Variants in SLC22A23 observed in about 807,000 individuals in gnomAD.
SLC22A23 encodes solute carrier family 22 member 23.
In SLC22A23, 26 loss-of-function variants were observed where a neutral mutation model predicts 61.0. The observed-to-expected ratio is 0.43, with a 90% CI of 0.31 to 0.59. SLC22A23 has a LOEUF of 0.59. SLC22A23 is among the 20% of genes least tolerant of loss of function. SLC22A23 has a pLI of 0.11. For missense variants in SLC22A23, 796 were observed against 934.7 expected (o/e 0.85, Z 1.94); for synonymous variants, 430 against 413.9 (o/e 1.04, Z -0.47).
chr6:3,452,020 C>A (rs1772175369), intron 1 of SLC22A23, among the ~76,000 whole-genome samples: 1 of 152,102 alleles, frequency 6.6e-6, no homozygotes, highest in Non-Finnish European at 1.5e-5. Flanking sequence ...ACGAGATATT[C>A]AACACATTAT....
intron 3 of SLC22A23, among the ~76,000 whole-genome samples, chr6:3,340,447 A>G (rs547107777): frequency 6.6e-5 from 10 of 152,302 alleles, no homozygotes; most frequent in Admixed American, 2.6e-4. Flanking sequence ...AGCAGAGTCT[A>G]TGACAAATTG....
At chr6:3,370,795 A>G (rs972889425) in intron 3 of SLC22A23, among the ~76,000 whole-genome samples, 3 of 152,258 alleles carry the variant, frequency 2.0e-5, no homozygotes, top group Admixed American at 6.5e-5. Flanking sequence ...AAGCCAGGAC[A>G]TCACGACTCA....
intron 1 of SLC22A23, among the ~76,000 whole-genome samples, chr6:3,433,513 C>T (rs1771004805): frequency 6.6e-6 from 1 of 152,194 alleles, no homozygotes; most frequent in Non-Finnish European, 1.5e-5. Context: ...TAAGTCAAGA[C>T]TTTTCAATGG....
In SLC22A23 at chr6:3,333,013, G is replaced by A. The variant is rs992752381; in HGVS notation, c.914-9011C>T. ...GTTCAGGTTTTTGGAAGAGCGTATC[G>A]CAGCTGGTGCCTGTGCGTCACGGTG... On this transcript the variant is annotated intron_variant, in intron 3 of 9. Transcript: ENST00000406686. This position sits in a 1 kb window ranked among gnomAD's most constrained non-coding sequence, Gnocchi z 4.1. Among the ~76,000 whole-genome samples the A allele has an allele frequency of 1.4e-4, 21 of 152,260 alleles. No homozygotes were observed. Among genetic ancestry groups the A allele is most frequent in the African/African-American group, 4.8e-4 (20 of 41,540 alleles).
At chr6:3,439,034 T>C (rs1451914586) in intron 1 of SLC22A23, among the ~76,000 whole-genome samples, 1 of 152,206 alleles carries the variant, frequency 6.6e-6, no homozygotes, top group Non-Finnish European at 1.5e-5. Context: ...TTTATTAGTC[T>C]AGACCGGGGT....
intron 1 of SLC22A23, among the ~76,000 whole-genome samples, chr6:3,416,634 G>A (rs1171439629): frequency 6.6e-6 from 1 of 152,242 alleles, no homozygotes; most frequent in Non-Finnish European, 1.5e-5. Context: ...GTGTCCAAGT[G>A]TGGACTCAAA....
intron 6 of SLC22A23, among the ~76,000 whole-genome samples, chr6:3,288,085 TCTGC>T (rs1760217668): frequency 6.6e-6 from 1 of 152,170 alleles, no homozygotes; most frequent in African/African-American, 2.4e-5. Context: ...GAAAAACGTG[TCTGC>T]CCTGAAAACA....
intron 3 of SLC22A23, among the ~76,000 whole-genome samples, chr6:3,399,811 A>AT (rs1256242391): frequency 2.0e-5 from 3 of 151,998 alleles, no homozygotes; most frequent in Non-Finnish European, 2.9e-5. Flanking sequence ...GTCCAGGAGA[A>AT]TTTTTTCTTG....
At chr6:3,352,869 G>A (rs974035897) in intron 3 of SLC22A23, among the ~76,000 whole-genome samples, 1 of 152,100 alleles carries the variant, frequency 6.6e-6, no homozygotes, top group Non-Finnish European at 1.5e-5. Flanking sequence ...GACAAGCCGC[G>A]TGCCCTGCAA....
rs150823373 is a variant in SLC22A23 at position 3,289,838 on chromosome 6, G to A, written c.1239C>T (p.Pro413=). Residue 413 remains proline (P), a synonymous_variant, in exon 6 of 10, where the codon CCC becomes CCT. Coordinates refer to ENST00000406686, the MANE Select transcript of SLC22A23 (RefSeq NM_015482.2). ...CCACCTTCACGATGCAGACCTTCTTGGGCCTCCGGGAAAGCTCTTTCTCCA... is the reference window on the plus strand; with the variant it reads ...CCACCTTCACGATGCAGACCTTCTTAGGCCTCCGGGAAAGCTCTTTCTCCA... ...PELEKELSRR[P]KKVCIVKVVG... The A allele has an allele frequency of 2.1e-5, 34 of 1,614,012 alleles. No homozygotes were observed. The African/African-American group carries it at 3.9e-4, about 18-fold the overall frequency.
chr6:3,292,756 G>T (rs904259813), intron 5 of SLC22A23, among the ~76,000 whole-genome samples: 1 of 152,218 alleles, frequency 6.6e-6, no homozygotes, highest in African/African-American at 2.4e-5. Flanking sequence ...GAAAAGCTAC[G>T]CTGTCCTTGC....
At chr6:3,289,043 C>A (rs1310966770) in intron 6 of SLC22A23, among the ~76,000 whole-genome samples, 2 of 152,258 alleles carry the variant, frequency 1.3e-5, no homozygotes, top group Non-Finnish European at 2.9e-5. Context: ...GAGTGCAACA[C>A]CCCAGGTGAC....
intron 4 of SLC22A23, among the ~76,000 whole-genome samples, chr6:3,306,470 C>T (rs1313441185): frequency 6.6e-6 from 1 of 152,206 alleles, no homozygotes; most frequent in Non-Finnish European, 1.5e-5. Context: ...GTGGTACTAT[C>T]ATTATCCCCA....
In SLC22A23 at chr6:3,309,355, T is replaced by C. The variant is rs1762212034; in HGVS notation, c.1083-11137A>G. Among the ~76,000 whole-genome samples the C allele has an allele frequency of 6.6e-6, 1 of 151,900 alleles. No individual in the cohort carries two copies. Among genetic ancestry groups the C allele is most frequent in the Non-Finnish European group, 1.5e-5 (1 of 67,988 alleles). The stretch of plus-strand genomic sequence containing the variant: ...AGAATTCGAAATTAAGTAAAAGGGG[T>C]CTCTAATTAAATGCAGAGGTAACTC... On this transcript the variant is annotated intron_variant, in intron 4 of 9. Transcript: ENST00000406686. The surrounding 1 kb of genome is among the most constrained non-coding windows in gnomAD (Gnocchi z 4.7).
At chr6:3,283,490 C>T in intron 9 of SLC22A23, 1 of 314,010 alleles carries the variant, frequency 3.2e-6, no homozygotes, top group South Asian at 2.8e-5. Context: ...ACTAGCTGTG[C>T]CGTGAGGTCT....
chr6:3,440,050 G>A (rs929335120), intron 1 of SLC22A23, among the ~76,000 whole-genome samples: 4 of 152,126 alleles, frequency 2.6e-5, no homozygotes, highest in Non-Finnish European at 4.4e-5. Context: ...AAGCAAGGGA[G>A]TGATAAAGAG....
At chr6:3,429,037 G>A (rs530875291) in intron 1 of SLC22A23, among the ~76,000 whole-genome samples, 37 of 152,246 alleles carry the variant, frequency 2.4e-4, no homozygotes, top group Middle Eastern at 3.4e-3. Flanking sequence ...GGCATGTCTG[G>A]GCTGCAGAAT....
intron 3 of SLC22A23, among the ~76,000 whole-genome samples, chr6:3,400,343 C>G (rs908889705): frequency 1.4e-4 from 21 of 152,214 alleles, no homozygotes; most frequent in Admixed American, 1.3e-3. Flanking sequence ...CCAAAGTTCC[C>G]AAGCTTGCTG....
At chr6:3,352,554 G>A (rs547858811) in intron 3 of SLC22A23, among the ~76,000 whole-genome samples, 47 of 152,194 alleles carry the variant, frequency 3.1e-4, no homozygotes, top group African/African-American at 9.2e-4. Flanking sequence ...ACCAAGCCCC[G>A]GCCATAACAA....
Sources: gnomAD v4.1 joint callset for allele counts (sites outside exome capture counted in the v4.1 genomes callset) on GRCh38, gnomAD v4.1.1 for gene constraint, Gnocchi (gnomAD v3.1) non-coding constraint, MANE v1.5 for transcripts, NCBI Gene and HGNC (gene_info 2026-07-23, HGNC 2026-07-21) for gene names.